The following CLNK variants were observed in gnomAD, a reference collection of about 807,000 sequenced individuals.
CLNK encodes cytokine dependent hematopoietic cell linker.
CLNK carries 74 observed loss-of-function variants against 68.6 expected under a neutral mutation model. That is an observed-to-expected ratio of 1.08 (90% CI 0.89 to 1.31). The LOEUF is 1.31. Among genes scored for constraint, CLNK ranks in the 50% most tolerant of loss-of-function variants. CLNK has a pLI of 0.00. For synonymous variants in CLNK, 198 were observed against 172.2 expected (o/e 1.15, Z -1.17); for missense variants, 553 against 515.3 (o/e 1.07, Z -0.71).
chr4:10,520,035 A>G (rs796831139), intron 15 of CLNK, among the ~76,000 whole-genome samples: 8 of 28,620 alleles, frequency 2.8e-4, no homozygotes, highest in African/African-American at 9.9e-4. Flanking sequence ...CTCCAGGCTT[A>G]AGCCCCCTTT....
intron 2 of CLNK, among the ~76,000 whole-genome samples, chr4:10,651,449 C>T (rs377592448): frequency 2.0e-5 from 3 of 152,146 alleles, no homozygotes; most frequent in African/African-American, 7.2e-5. Flanking sequence ...AACACAGTAA[C>T]AGAAAACCTA....
intron 18 of CLNK, among the ~76,000 whole-genome samples, chr4:10,500,923 T>C (rs1029681575): frequency 5.3e-5 from 8 of 152,176 alleles, no homozygotes; most frequent in African/African-American, 1.9e-4. Context: ...ATGTCTGCAG[T>C]GGCATTTCAG....
chr4:10,698,626 T>C, the CLNK span, among the ~76,000 whole-genome samples: 1 of 152,316 alleles, frequency 6.6e-6, no homozygotes, highest in African/African-American at 2.4e-5. Flanking sequence ...CTCAGATATT[T>C]TCACCCCCCA....
intron 18 of CLNK, among the ~76,000 whole-genome samples, chr4:10,497,684 G>C (rs1182343833): frequency 1.3e-5 from 2 of 152,182 alleles, no homozygotes; most frequent in African/African-American, 4.8e-5. Context: ...AGTGGGGCAT[G>C]TTGGAAAAAA....
chr4:10,584,702 A>G (rs779264903), intron 4 of CLNK, among the ~76,000 whole-genome samples: 9 of 152,234 alleles, frequency 5.9e-5, no homozygotes, highest in Non-Finnish European at 1.3e-4. Flanking sequence ...TGCACAGCTA[A>G]GTAGAGAGCC....
chr4:10,574,638 C>A (rs1720484345), intron 4 of CLNK, among the ~76,000 whole-genome samples: 1 of 152,138 alleles, frequency 6.6e-6, no homozygotes, highest in African/African-American at 2.4e-5. Context: ...AGGGAGGAGA[C>A]CACCCCTCAT....
chr4:10,707,479 C>T, the CLNK span, among the ~76,000 whole-genome samples: 22 of 152,340 alleles, frequency 1.4e-4, no homozygotes, highest in East Asian at 4.2e-3. Context: ...TCAGTCACTT[C>T]AAGATATTCC....
At chr4:10,535,928 C>A (rs1577113130) in intron 11 of CLNK, among the ~76,000 whole-genome samples, 1 of 152,140 alleles carries the variant, frequency 6.6e-6, no homozygotes, top group East Asian at 1.9e-4. Flanking sequence ...AATGTCCAAC[C>A]AACATTCTCC....
intron 8 of CLNK, among the ~76,000 whole-genome samples, chr4:10,543,621 T>C (rs1308568471): frequency 6.6e-6 from 1 of 152,122 alleles, no homozygotes; most frequent in Admixed American, 6.6e-5. Context: ...CTGTTTAGAT[T>C]CCCCTTGGTG....
intron 2 of CLNK, among the ~76,000 whole-genome samples, chr4:10,657,152 A>G (rs1018761209): frequency 2.0e-5 from 3 of 152,216 alleles, no homozygotes; most frequent in African/African-American, 7.2e-5. Context: ...AACTGGTAGA[A>G]CCAGTTATCA....
chr4:10,490,674 G>A, intron 18 of CLNK, 61 bp from the exon 19 acceptor site: 1 of 1,390,868 alleles, frequency 7.2e-7, no homozygotes, highest in African/African-American at 1.4e-5. Context: ...GTAGGTTAAA[G>A]TATAGCCAAG....
chr4:10,648,927 C>T (rs1723623255), intron 2 of CLNK, among the ~76,000 whole-genome samples: 1 of 152,118 alleles, frequency 6.6e-6, no homozygotes, highest in Non-Finnish European at 1.5e-5. Flanking sequence ...CTGGTTTTTG[C>T]ATCTTAATAT....
intron 8 of CLNK, among the ~76,000 whole-genome samples, chr4:10,549,856 CG>C (rs1719378473): frequency 6.6e-6 from 1 of 152,218 alleles, no homozygotes; most frequent in African/African-American, 2.4e-5. Context: ...GTGGTCATAA[CG>C]TGTAATTAGC....
intron 2 of CLNK, among the ~76,000 whole-genome samples, chr4:10,621,938 C>T (rs987704050): frequency 2.0e-5 from 3 of 152,108 alleles, no homozygotes; most frequent in Admixed American, 6.5e-5. Flanking sequence ...TCTGTGATTG[C>T]GATGCTGAGA....
chr4:10,706,787 T>C, the CLNK span, among the ~76,000 whole-genome samples: 4 of 152,262 alleles, frequency 2.6e-5, no homozygotes, highest in South Asian at 6.2e-4. Flanking sequence ...TGCCTTTCCC[T>C]GTATGATGTC....
At chr4:10,588,001 C>T (rs1721032855) in intron 3 of CLNK, among the ~76,000 whole-genome samples, 1 of 152,188 alleles carries the variant, frequency 6.6e-6, no homozygotes, top group African/African-American at 2.4e-5. Flanking sequence ...TGAGTGCTCT[C>T]TCTTGACACT....
At chr4:10,671,695 A>G (rs1724648779) in intron 1 of CLNK, among the ~76,000 whole-genome samples, 1 of 152,226 alleles carries the variant, frequency 6.6e-6, no homozygotes, top group South Asian at 2.1e-4. Context: ...GGCAGTGAAC[A>G]CAGATCACCT....
intron 2 of CLNK, among the ~76,000 whole-genome samples, chr4:10,653,023 A>C (rs979526219): frequency 6.6e-6 from 1 of 152,212 alleles, no homozygotes; most frequent in Non-Finnish European, 1.5e-5. Context: ...AAAAAGGATG[A>C]GTTCATATCC....
the CLNK span, among the ~76,000 whole-genome samples, chr4:10,702,996 G>C: frequency 2.0e-5 from 3 of 152,186 alleles, no homozygotes; most frequent in Non-Finnish European, 4.4e-5. Context: ...TCCAGTGGAA[G>C]TGTATGTCAT....
Sources: gnomAD v4.1 joint callset for allele counts (sites outside exome capture counted in the v4.1 genomes callset) on GRCh38, gnomAD v4.1.1 for gene constraint, MANE v1.5 for transcripts, NCBI Gene and HGNC (gene_info 2026-07-23, HGNC 2026-07-21) for gene names.